The following CSMD2 variants were observed in gnomAD, a reference collection of about 807,000 sequenced individuals.
CSMD2 encodes the protein CUB and Sushi multiple domains 2.
Under a neutral mutation model 398.5 loss-of-function variants are expected in CSMD2, and 130 were observed. The ratio of observed to expected loss-of-function variants is 0.33; its 90% CI spans 0.28 to 0.38. CSMD2 has a LOEUF of 0.38. Among genes scored for constraint, CSMD2 ranks in the 10% least tolerant of loss-of-function variants. The pLI, the probability that CSMD2 is intolerant of heterozygous loss-of-function variation, is 1.00. For synonymous variants in CSMD2, 1,828 were observed against 1,908.5 expected (o/e 0.96, Z 1.10); for missense variants, 3,829 against 4,764.9 (o/e 0.80, Z 5.78).
At chr1:33,940,072 A>C (rs951671771) in intron 3 of CSMD2, among the ~76,000 whole-genome samples, 4 of 152,364 alleles carry the variant, frequency 2.6e-5, no homozygotes, top group African/African-American at 9.6e-5. Context: ...CAGCAGAGCC[A>C]TGATCTCTTT....
chr1:33,745,234 G>GTTATAT (rs1223165241), intron 13 of CSMD2, among the ~76,000 whole-genome samples: 1 of 152,072 alleles, frequency 6.6e-6, no homozygotes. Context: ...TTTATAAATG[G>GTTATAT]ATAAAGACTG....
intron 4 of CSMD2, among the ~76,000 whole-genome samples, chr1:33,935,248 ATAG>A (rs1644438936): frequency 6.6e-6 from 1 of 152,138 alleles, no homozygotes; most frequent in Admixed American, 6.6e-5. Flanking sequence ...CCGACACAGC[ATAG>A]AAGAGAGGTG....
intron 25 of CSMD2, among the ~76,000 whole-genome samples, chr1:33,678,824 T>C (rs1644807201): frequency 6.6e-6 from 1 of 152,198 alleles, no homozygotes; most frequent in Non-Finnish European, 1.5e-5. Flanking sequence ...GGCTCTTCTC[T>C]TCAGGGACCA....
intron 25 of CSMD2, among the ~76,000 whole-genome samples, chr1:33,669,825 A>G (rs1571159495): frequency 6.6e-6 from 1 of 152,210 alleles, no homozygotes; most frequent in African/African-American, 2.4e-5. Flanking sequence ...ACAGAGACAC[A>G]GGAGAGACAC....
intron 58 of CSMD2, 31 bp downstream of exon 58, chr1:33,542,689 G>A: frequency 6.3e-7 from 1 of 1,591,882 alleles, no homozygotes. Flanking sequence ...GCCACTGTTG[G>A]CCATGGAACC....
intron 5 of CSMD2, chr1:33,864,869 A>C: frequency 1.4e-6 from 1 of 692,212 alleles, no homozygotes; most frequent in Non-Finnish European, 2.1e-6. Context: ...GGCTTGGTAG[A>C]GGAGAGACTG....
intron 4 of CSMD2, among the ~76,000 whole-genome samples, chr1:33,922,999 G>C (rs1308779946): frequency 6.6e-6 from 1 of 152,070 alleles, no homozygotes; most frequent in Non-Finnish European, 1.5e-5. Context: ...ATGTATTGTG[G>C]AATGACTAAA....
chr1:33,600,647 G>A (rs925940383), intron 44 of CSMD2: 2 of 588,394 alleles, frequency 3.4e-6, no homozygotes, highest in Non-Finnish European at 6.0e-6. Flanking sequence ...CCCTGGCAGT[G>A]TGGAATAGGA....
intron 55 of CSMD2, 62 bp from the exon 56 acceptor site, chr1:33,550,412 C>T (rs145518648): frequency 6.7e-7 from 1 of 1,499,376 alleles, no homozygotes; most frequent in East Asian, 2.3e-5. Flanking sequence ...ATCACACAAT[C>T]CATGCTAGGC....
intron 2 of CSMD2, among the ~76,000 whole-genome samples, chr1:34,063,484 C>T (rs988387364): frequency 6.6e-6 from 1 of 152,156 alleles, no homozygotes; most frequent in South Asian, 2.1e-4. Flanking sequence ...CATGCAAGTC[C>T]GAAATCCAGA....
intron 25 of CSMD2, among the ~76,000 whole-genome samples, chr1:33,664,804 A>AAAAT (rs1235213571): frequency 3.5e-4 from 54 of 152,186 alleles, no homozygotes; most frequent in African/African-American, 7.2e-4. Context: ...CTCCGTCTCA[A>AAAAT]AAATAAATAA....
chr1:33,881,133 A>G (rs1235833678), intron 5 of CSMD2, among the ~76,000 whole-genome samples: 1 of 152,174 alleles, frequency 6.6e-6, no homozygotes, highest in African/African-American at 2.4e-5. Flanking sequence ...AGAGAAATAG[A>G]TACAAGCTGG....
chr1:34,155,551 T>C (rs1640735857), intron 1 of CSMD2, among the ~76,000 whole-genome samples: 1 of 152,148 alleles, frequency 6.6e-6, no homozygotes, highest in Non-Finnish European at 1.5e-5. Context: ...TGGATGGAGA[T>C]GGCTTGTTTC....
chr1:33,530,244 T>C (rs1655118530), intron 64 of CSMD2, among the ~76,000 whole-genome samples: 1 of 152,062 alleles, frequency 6.6e-6, no homozygotes. Flanking sequence ...AACAACTCGA[T>C]AGCAAGAAAA....
chr1:34,150,075 C>CTTTTTTTT lies in CSMD2; in HGVS notation c.187+14835_187+14836insAAAAAAAA, dbSNP rs201785327. On this transcript the variant is annotated intron_variant, in intron 1 of 70. Coordinates refer to ENST00000373381, the MANE Select transcript of CSMD2 (RefSeq NM_001281956.2). ...AGACCTGGAAATCTACATTTTTCTTCTTTCTTTTTTTTTTGTTTTTTTTTG... is the reference window on the plus strand; with the variant it reads ...AGACCTGGAAATCTACATTTTTCTTCTTTTTTTTTTTCTTTTTTTTTTGTTTTTTTTTG... Among the ~76,000 whole-genome samples the CTTTTTTTT allele has an allele frequency of 1.2e-4, 14 of 119,624 alleles. 4 individuals carry two copies. Among genetic ancestry groups the CTTTTTTTT allele is most frequent in the East Asian group, 2.3e-4 (1 of 4,326 alleles). The allele number at this position is 119,624 out of a possible 152,430, so 78.5% of individuals were successfully genotyped here.
rs116638872 is a variant in CSMD2 at position 34,116,052 on chromosome 1, T to C, written c.188-26859A>G. 7.7e-3 allele frequency among the ~76,000 whole-genome samples: 1,171 copies of C among 152,040 alleles called. 22 individuals are homozygous for C. The highest frequency in any genetic ancestry group is 0.027 in the African/African-American group (1,112 of 41,514). On this transcript the variant is annotated intron_variant, in intron 1 of 70. Coordinates refer to ENST00000373381, the MANE Select transcript of CSMD2 (RefSeq NM_001281956.2). ...GAGAGGAAAAAAGGAACAAAGTAAC[T>C]ATAAGGCACACAGAAAACAATAAGA...
chr1:33,639,551 A>G (rs545357614), intron 29 of CSMD2, among the ~76,000 whole-genome samples: 60 of 152,200 alleles, frequency 3.9e-4, no homozygotes, highest in Admixed American at 6.5e-4. Context: ...GAACTCCTGG[A>G]GGAGAAGGTT....
chr1:33,832,158 G>A (rs7367242), intron 6 of CSMD2, among the ~76,000 whole-genome samples: 91,142 of 120,306 alleles, frequency 0.76, 35,513 homozygotes, highest in East Asian at 0.93. Flanking sequence ...TGCACCAAGT[G>A]GACCTAATAG....
At position 33,521,725 on chromosome 1, in the gene CSMD2, G is replaced by A. The variant is rs367930748; in HGVS notation, c.10510-175C>T. The stretch of plus-strand genomic sequence containing the variant: ...TGGGTGTGACCGGGGAGCCCGGGGT[G>A]GGGCAGGGGCACCAGCTACATGTAT... On this transcript the variant is annotated intron_variant, in intron 67 of 70. Transcript: ENST00000373381. Among the ~76,000 whole-genome samples the A allele has an allele frequency of 9.2e-5, 14 of 152,332 alleles. No homozygotes were observed. The East Asian group carries it at 1.9e-3, about 21-fold the overall frequency.
Sources: gnomAD v4.1 joint callset for allele counts (sites outside exome capture counted in the v4.1 genomes callset) on GRCh38, gnomAD v4.1.1 for gene constraint, MANE v1.5 for transcripts, NCBI Gene and HGNC (gene_info 2026-07-23, HGNC 2026-07-21) for gene names.